Variants in DDX4 observed in about 807,000 individuals in gnomAD.
DDX4 encodes DEAD-box helicase 4, also known as probable ATP-dependent RNA helicase DDX4.
A neutral mutation model predicts 100.0 loss-of-function variants in DDX4; 25 were observed. The ratio of observed to expected loss-of-function variants is 0.25; its 90% CI spans 0.18 to 0.35. The LOEUF (loss-of-function observed/expected upper bound fraction) is 0.35, where lower values mean the gene tolerates loss of function less well. Among genes scored for constraint, DDX4 ranks in the 10% least tolerant of loss-of-function variants. The pLI is 1.00. For missense variants in DDX4, 635 were observed against 882.4 expected (o/e 0.72, Z 3.55); for synonymous variants, 259 against 275.7 (o/e 0.94, Z 0.60).
At chr5:55,783,097 GT>G in intron 10 of DDX4, among the ~76,000 whole-genome samples, 1 of 152,002 alleles carries the variant, frequency 6.6e-6, no homozygotes. Context: ...TGACCTTAAA[GT>G]TTTTTCAAAG....
At chr5:55,774,465 T>C (rs1441788548) in intron 7 of DDX4, among the ~76,000 whole-genome samples, 1 of 152,238 alleles carries the variant, frequency 6.6e-6, no homozygotes, top group East Asian at 1.9e-4. Context: ...AAATGTTTAA[T>C]AACCTCCTGT....
rs3990072 is a variant in DDX4 at position 55,796,823 on chromosome 5, C to CTTTTTTTTTT, written c.1470-1578_1470-1569dup. 4.3e-3 allele frequency among the ~76,000 whole-genome samples: 255 copies of CTTTTTTTTTT among 59,950 alleles called. 31 individuals carry two copies. Among genetic ancestry groups the CTTTTTTTTTT allele is most frequent in the Non-Finnish European group, 5.7e-3 (177 of 30,922 alleles). 39.3% of individuals were successfully genotyped at this position (59,950 alleles called of 152,430 possible). ...TTTTCTTTTCTTTTTTTCTTTCTTTCTTTTTTTTTTTTTTTTTTTTTTTTT... is the reference window on the plus strand; with the variant it reads ...TTTTCTTTTCTTTTTTTCTTTCTTTCTTTTTTTTTTTTTTTTTTTTTTTTTTTTTTTTTTT... On this transcript the variant is annotated intron_variant, in intron 17 of 21. Transcript: ENST00000505374.
At chr5:55,788,082 T>A in intron 15 of DDX4, 82 bp downstream of exon 15, 2 of 1,206,144 alleles carry the variant, frequency 1.7e-6, no homozygotes, top group South Asian at 1.6e-5. Flanking sequence ...AACTCAGTAA[T>A]AATGCACTCA....
At chr5:55,796,879 T>G (rs1324096893) in intron 17 of DDX4, among the ~76,000 whole-genome samples, 6 of 134,228 alleles carry the variant, frequency 4.5e-5, no homozygotes, top group African/African-American at 1.4e-4. Flanking sequence ...CTCACTCTTC[T>G]CGCCCAGGCT....
chr5:55,805,478 A>G (rs2112146752), intron 18 of DDX4, among the ~76,000 whole-genome samples: 1 of 151,616 alleles, frequency 6.6e-6, no homozygotes, highest in South Asian at 2.1e-4. Context: ...GATAGCTCTT[A>G]TTATTTTGAA....
At chr5:55,749,540 G>A (rs1367220826) in intron 3 of DDX4, among the ~76,000 whole-genome samples, 2 of 152,140 alleles carry the variant, frequency 1.3e-5, no homozygotes, top group African/African-American at 2.4e-5. Context: ...GGGCTCTACC[G>A]TCAAGTGATT....
At chr5:55,768,592 T>C (rs992323738) in intron 7 of DDX4, among the ~76,000 whole-genome samples, 4 of 152,182 alleles carry the variant, frequency 2.6e-5, no homozygotes, top group Non-Finnish European at 5.9e-5. Flanking sequence ...TGAACATATG[T>C]GTACATGTGA....
chr5:55,788,026 A>G, intron 15 of DDX4, 26 bp downstream of exon 15: 1 of 1,559,458 alleles, frequency 6.4e-7, no homozygotes, highest in East Asian at 2.3e-5. Context: ...TGCTACTCAC[A>G]AAATAGTTTT....
intron 8 of DDX4, 120 bp from the exon 9 acceptor site, chr5:55,780,946 T>A: frequency 1.3e-6 from 1 of 754,008 alleles, no homozygotes; most frequent in South Asian, 2.2e-5. Context: ...GACAGTATTT[T>A]TCTATTTTAC....
intron 3 of DDX4, among the ~76,000 whole-genome samples, chr5:55,759,498 T>A (rs891981484): frequency 1.7e-5 from 2 of 118,756 alleles, no homozygotes; most frequent in African/African-American, 6.9e-5. Context: ...TATTGAACTC[T>A]TGTTGAATTT....
In DDX4 at chr5:55,807,600, A is replaced by G. The variant is rs143194009; in HGVS notation, c.1616-6073A>G. Among the ~76,000 whole-genome samples, 694 of 152,322 alleles carry G rather than the reference A, an allele frequency of 4.6e-3. 6 individuals are homozygous for G. Among genetic ancestry groups the G allele is most frequent in the Non-Finnish European group, 7.2e-3 (491 of 68,040 alleles). On this transcript the variant is annotated intron_variant, in intron 18 of 21. Coordinates refer to ENST00000505374, the MANE Select transcript of DDX4 (RefSeq NM_024415.3). ...CTTTTGAAGCTTAGTTTGGCTGGAT[A>G]TGAAATTCTGGGTTGCAGATTCTTT...
intron 3 of DDX4, among the ~76,000 whole-genome samples, chr5:55,758,924 T>G (rs1243234611): frequency 2.7e-5 from 4 of 150,238 alleles, no homozygotes; most frequent in Non-Finnish European, 5.9e-5. Context: ...GGTCTCTTTC[T>G]GTTTCCCAGG....
chr5:55,740,167 A>G (rs1274613448), intron 2 of DDX4, among the ~76,000 whole-genome samples: 6 of 152,146 alleles, frequency 3.9e-5, no homozygotes, highest in African/African-American at 1.2e-4. Context: ...TGTTTTTTCC[A>G]AACATTTTTT....
At chr5:55,781,854 A>T in intron 9 of DDX4, 80 bp from the exon 10 acceptor site, 2 of 1,486,534 alleles carry the variant, frequency 1.3e-6, no homozygotes, top group Non-Finnish European at 1.9e-6. Flanking sequence ...AACTTTGTTG[A>T]ATAGAAATAA....
At chr5:55,752,977 GTCT>G (rs1759662940) in intron 3 of DDX4, among the ~76,000 whole-genome samples, 1 of 151,728 alleles carries the variant, frequency 6.6e-6, no homozygotes, top group Non-Finnish European at 1.5e-5. Context: ...CTGCATAAAT[GTCT>G]TCTTTTGAGA....
rs1744439913 is a variant in DDX4, at chr5:55,816,674, A to G, written c.*134A>G. ...TTGTATTCTCACTCCTACACTTAAAAAAAAAATCCTTACTGACTAGTTATG... is the reference window on the plus strand; with the variant it reads ...TTGTATTCTCACTCCTACACTTAAAGAAAAAATCCTTACTGACTAGTTATG... On this transcript the variant is annotated 3_prime_UTR_variant, in exon 22 of 22. Transcript: ENST00000505374. 1 of 1,412,530 alleles carries G rather than the reference A, an allele frequency of 7.1e-7. No homozygotes were observed. 87.5% of individuals were successfully genotyped at this position (1,412,530 alleles called of 1,614,324 possible).
chr5:55,742,995 A>G (rs1759063830), intron 2 of DDX4, among the ~76,000 whole-genome samples: 1 of 152,088 alleles, frequency 6.6e-6, no homozygotes, highest in Non-Finnish European at 1.5e-5. Context: ...TTCTCAAGGA[A>G]CCTTTGAGAA....
chr5:55,765,104 CAT>C (rs1245140670), intron 6 of DDX4, among the ~76,000 whole-genome samples: 3 of 151,988 alleles, frequency 2.0e-5, no homozygotes, highest in African/African-American at 4.8e-5. Flanking sequence ...CAAATGAAAA[CAT>C]ATATGATGTA....
chr5:55,764,147 C>A (rs941059880), intron 6 of DDX4, 83 bp downstream of exon 6: 1 of 1,044,494 alleles, frequency 9.6e-7, no homozygotes, highest in Non-Finnish European at 1.5e-6. Flanking sequence ...GTCTCTTAGT[C>A]CGGGCCAATT....
Sources: gnomAD v4.1 joint callset for allele counts (sites outside exome capture counted in the v4.1 genomes callset) on GRCh38, gnomAD v4.1.1 for gene constraint, MANE v1.5 for transcripts, NCBI Gene and HGNC (gene_info 2026-07-23, HGNC 2026-07-21) for gene names.